Variants in PRDM5 observed in about 807,000 individuals in gnomAD.
PRDM5 encodes PR domain zinc finger protein 5.
A neutral mutation model predicts 81.2 loss-of-function variants in PRDM5; 56 were observed. The observed-to-expected ratio is 0.69, with a 90% CI of 0.56 to 0.86. The LOEUF (loss-of-function observed/expected upper bound fraction) is 0.86, where lower values mean the gene tolerates loss of function less well. Ranked by LOEUF, PRDM5 falls within the 40% of genes least tolerant of loss-of-function variation. The probability of loss-of-function intolerance (pLI) is 0.00; values close to 1 mark genes in which losing one functional copy is unlikely to be tolerated. For synonymous variants in PRDM5, 267 were observed against 256.4 expected (o/e 1.04, Z -0.39); for missense variants, 697 against 770.1 (o/e 0.91, Z 1.12).
chr4:120,898,008 T>A (rs1258803560), intron 2 of PRDM5, among the ~76,000 whole-genome samples: 1 of 152,228 alleles, frequency 6.6e-6, no homozygotes, highest in Non-Finnish European at 1.5e-5. Context: ...TCATTTTTTA[T>A]AAAATGCTGG....
chr4:120,870,175 G>C (rs747472404), intron 2 of PRDM5, among the ~76,000 whole-genome samples: 1 of 151,912 alleles, frequency 6.6e-6, no homozygotes, highest in Non-Finnish European at 1.5e-5. Context: ...GAAAGTGGAG[G>C]CCTGCTGGTC....
At chr4:120,744,707 T>C (rs1006027947) in intron 14 of PRDM5, among the ~76,000 whole-genome samples, 55 of 151,300 alleles carry the variant, frequency 3.6e-4, no homozygotes, top group African/African-American at 1.2e-3. Flanking sequence ...CCTTGACACA[T>C]ACACTCTCCC....
intron 12 of PRDM5, among the ~76,000 whole-genome samples, chr4:120,779,279 A>T (rs1219490906): frequency 1.3e-5 from 2 of 152,178 alleles, no homozygotes. Flanking sequence ...TTAAATATGA[A>T]CAAGAAAGCA....
intron 3 of PRDM5, among the ~76,000 whole-genome samples, chr4:120,847,246 C>T (rs1758758176): frequency 6.6e-6 from 1 of 152,090 alleles, no homozygotes; most frequent in Non-Finnish European, 1.5e-5. Flanking sequence ...TAATAGTATT[C>T]AACAGAAGTG....
chr4:120,762,775 G>A (rs909058775), intron 13 of PRDM5: 2 of 152,120 alleles, frequency 1.3e-5, no homozygotes, highest in Middle Eastern at 3.4e-3. Flanking sequence ...CCGACCTCAC[G>A]GAACCCCACC....
chr4:120,844,294 T>A (rs1258244423), intron 3 of PRDM5, among the ~76,000 whole-genome samples: 1 of 152,200 alleles, frequency 6.6e-6, no homozygotes, highest in African/African-American at 2.4e-5. Context: ...TATCAGCACT[T>A]ACAGGCGTAC....
intron 15 of PRDM5, among the ~76,000 whole-genome samples, chr4:120,708,726 A>C (rs1000079305): frequency 6.6e-6 from 1 of 152,138 alleles, no homozygotes; most frequent in Non-Finnish European, 1.5e-5. Flanking sequence ...TAGATGAAAC[A>C]GTAAAGGTCT....
rs759518709 is a variant in PRDM5, at chr4:120,785,101, A to G, written c.1189-10T>C. ...TCTCCTCAGAGTGGGTCTGCAGAGG[A>G]AAAACACTGAGTCAGGAGGATCTAG... On this transcript the variant is annotated splice_polypyrimidine_tract_variant and intron_variant, in intron 10 of 15. Coordinates refer to ENST00000264808, the MANE Select transcript of PRDM5 (RefSeq NM_018699.4). 2 of 1,580,554 alleles carry G rather than the reference A, an allele frequency of 1.3e-6. No individual in the cohort carries two copies. Among genetic ancestry groups the G allele is most frequent in the African/African-American group, 1.3e-5 (1 of 74,434 alleles).
At chr4:120,698,795 T>C (rs193235476) in intron 15 of PRDM5, among the ~76,000 whole-genome samples, 18 of 152,204 alleles carry the variant, frequency 1.2e-4, no homozygotes, top group Admixed American at 8.5e-4. Flanking sequence ...AATTACAAAG[T>C]TCCACCGGTT....
At chr4:120,820,248 T>G (rs888127816) in intron 4 of PRDM5, among the ~76,000 whole-genome samples, 1 of 152,198 alleles carries the variant, frequency 6.6e-6, no homozygotes, top group African/African-American at 2.4e-5. Flanking sequence ...TTCTGTCACA[T>G]GAGGACACAG....
chr4:120,821,429 T>C, intron 3 of PRDM5, 84 bp from the exon 4 acceptor site: 1 of 1,281,928 alleles, frequency 7.8e-7, no homozygotes, highest in South Asian at 1.3e-5. Context: ...ATTAATGGAG[T>C]ACTATGTGTG....
In PRDM5 at chr4:120,693,377, T is replaced by C. The variant is rs1734206497; in HGVS notation, c.*1734A>G. On this transcript the variant is annotated 3_prime_UTR_variant, in exon 16 of 16. Transcript: ENST00000264808. ...TATTCAAATGATATTAAACACACTATCATATTAAAATGAAAACACTTTAGA... is the reference window on the plus strand; with the variant it reads ...TATTCAAATGATATTAAACACACTACCATATTAAAATGAAAACACTTTAGA... The C allele has an allele frequency of 6.6e-6, 1 of 152,122 alleles. No individual in the cohort carries two copies. Among genetic ancestry groups the C allele is most frequent in the Non-Finnish European group, 1.5e-5 (1 of 68,010 alleles). The allele number at this position is 152,122 out of a possible 1,614,324, so 9.4% of individuals were successfully genotyped here.
chr4:120,902,993 C>T (rs1258905466), intron 2 of PRDM5, among the ~76,000 whole-genome samples: 1 of 152,158 alleles, frequency 6.6e-6, no homozygotes, highest in Non-Finnish European at 1.5e-5. Context: ...TGAAATGGCT[C>T]CCCAGGGGCT....
At chr4:120,831,850 G>GT (rs1756757456) in intron 3 of PRDM5, among the ~76,000 whole-genome samples, 1 of 152,076 alleles carries the variant, frequency 6.6e-6, no homozygotes, top group South Asian at 2.1e-4. Context: ...AATGTTTGAA[G>GT]TATCAAGTCT....
chr4:120,762,285 T>C (rs1033169702), intron 13 of PRDM5: 4 of 152,192 alleles, frequency 2.6e-5, no homozygotes, highest in Non-Finnish European at 5.9e-5. Context: ...GCTTTACTTC[T>C]TACTTTGAGT....
intron 15 of PRDM5, among the ~76,000 whole-genome samples, chr4:120,707,186 C>A (rs1736296487): frequency 6.6e-6 from 1 of 151,818 alleles, no homozygotes; most frequent in Non-Finnish European, 1.5e-5. Flanking sequence ...AACAAGCAAG[C>A]AAAATACTAA....
At chr4:120,768,071 A>T (rs922611169) in intron 13 of PRDM5, among the ~76,000 whole-genome samples, 2 of 152,166 alleles carry the variant, frequency 1.3e-5, no homozygotes, top group Non-Finnish European at 2.9e-5. Context: ...GTGAGAACAG[A>T]CTAAAACAAT....
chr4:120,885,991 A>G (rs1382152360), intron 2 of PRDM5, among the ~76,000 whole-genome samples: 1 of 152,200 alleles, frequency 6.6e-6, no homozygotes, highest in African/African-American at 2.4e-5. Context: ...ATATTTAGGT[A>G]GGACCCATCT....
At chr4:120,684,358 A>G (rs1733761612), downstream of PRDM5, among the ~76,000 whole-genome samples, 1 of 152,074 alleles carries the variant, frequency 6.6e-6, no homozygotes, top group African/African-American at 2.4e-5. Flanking sequence ...TCAGCAAGAA[A>G]GAAGGTCATA....
Sources: gnomAD v4.1 joint callset for allele counts (sites outside exome capture counted in the v4.1 genomes callset) on GRCh38, gnomAD v4.1.1 for gene constraint, MANE v1.5 for transcripts, NCBI Gene and HGNC (gene_info 2026-07-23, HGNC 2026-07-21) for gene names.